Variants in STX18 observed in about 807,000 individuals in gnomAD.
STX18 encodes syntaxin-18.
Under a neutral mutation model 50.1 loss-of-function variants are expected in STX18, and 40 were observed. The ratio of observed to expected loss-of-function variants is 0.80; its 90% CI spans 0.62 to 1.04. The LOEUF is 1.04. Among genes scored for constraint, STX18 ranks in the 50% least tolerant of loss-of-function variants. STX18 has a pLI of 0.00. For synonymous variants in STX18, 158 were observed against 151.8 expected (o/e 1.04, Z -0.30); for missense variants, 410 against 415.8 (o/e 0.99, Z 0.12).
At chr4:4,476,363 G>C (rs1456842672) in intron 1 of STX18, among the ~76,000 whole-genome samples, 1 of 152,200 alleles carries the variant, frequency 6.6e-6, no homozygotes, top group Admixed American at 6.5e-5. Context: ...TACTGTAAAT[G>C]AGTTATTTCA....
At chr4:4,465,398 A>T (rs1036338461) in intron 2 of STX18, among the ~76,000 whole-genome samples, 2 of 152,262 alleles carry the variant, frequency 1.3e-5, no homozygotes, top group African/African-American at 4.8e-5. Context: ...AATGTGGAAC[A>T]TATACATCAT....
intron 1 of STX18, among the ~76,000 whole-genome samples, chr4:4,477,286 T>G (rs920773335): frequency 6.6e-6 from 1 of 152,132 alleles, no homozygotes; most frequent in Non-Finnish European, 1.5e-5. Context: ...TAGTACTTTC[T>G]TCTTTTAACA....
intron 1 of STX18, among the ~76,000 whole-genome samples, chr4:4,502,121 C>T (rs895585196): frequency 6.6e-6 from 1 of 152,164 alleles, no homozygotes; most frequent in African/African-American, 2.4e-5. Context: ...ACACAAAGAC[C>T]TCTATTAGGT....
At chr4:4,505,210 T>C (rs1298730378) in intron 1 of STX18, among the ~76,000 whole-genome samples, 3 of 152,150 alleles carry the variant, frequency 2.0e-5, no homozygotes, top group African/African-American at 4.8e-5. Flanking sequence ...CCATAATAAA[T>C]TGAAAATATG....
chr4:4,541,634 T>C (rs908639429), intron 1 of STX18, among the ~76,000 whole-genome samples, 163 bp downstream of exon 1: 1 of 151,574 alleles, frequency 6.6e-6, no homozygotes, highest in Non-Finnish European at 1.5e-5. Flanking sequence ...AGGCTGTTCC[T>C]TCCCCCAAAA....
chr4:4,496,354 G>C (rs1475518245), intron 1 of STX18, among the ~76,000 whole-genome samples: 1 of 152,154 alleles, frequency 6.6e-6, no homozygotes, highest in African/African-American at 2.4e-5. Context: ...TCTTGGTTAT[G>C]AGAACAACCT....
At chr4:4,439,342 C>T (rs1725976717) in intron 5 of STX18, among the ~76,000 whole-genome samples, 1 of 149,112 alleles carries the variant, frequency 6.7e-6, no homozygotes, top group South Asian at 2.2e-4. Flanking sequence ...CACCCACATA[C>T]ATATACTACA....
chr4:4,456,418 G>C (rs1012170551), intron 5 of STX18, among the ~76,000 whole-genome samples: 1 of 152,202 alleles, frequency 6.6e-6, no homozygotes, highest in Non-Finnish European at 1.5e-5. Context: ...TCCAAGACTG[G>C]CTGAGTTGCA....
At chr4:4,452,448 G>A (rs1243890867) in intron 5 of STX18, among the ~76,000 whole-genome samples, 1 of 152,230 alleles carries the variant, frequency 6.6e-6, no homozygotes, top group Non-Finnish European at 1.5e-5. Context: ...AGAAGTCAAT[G>A]GCTGACTTCA....
At chr4:4,455,159 T>C (rs981814697) in intron 5 of STX18, among the ~76,000 whole-genome samples, 2 of 152,240 alleles carry the variant, frequency 1.3e-5, no homozygotes, top group African/African-American at 4.8e-5. Flanking sequence ...ACTATGCCAC[T>C]TGATCGTACC....
At chr4:4,499,891 T>A (rs1358594705) in intron 1 of STX18, among the ~76,000 whole-genome samples, 1 of 152,108 alleles carries the variant, frequency 6.6e-6, no homozygotes, top group African/African-American at 2.4e-5. Flanking sequence ...AAATGACTGC[T>A]GTTTAAAACA....
At chr4:4,438,043 C>T (rs1725882301) in intron 6 of STX18, among the ~76,000 whole-genome samples, 1 of 152,236 alleles carries the variant, frequency 6.6e-6, no homozygotes, top group African/African-American at 2.4e-5. Flanking sequence ...GGCCTGGCAG[C>T]TCAGAGCTGA....
chr4:4,458,123 A>G (rs755895109), intron 3 of STX18, among the ~76,000 whole-genome samples: 2 of 152,190 alleles, frequency 1.3e-5, no homozygotes, highest in African/African-American at 2.4e-5. Flanking sequence ...GCGTGCAGGT[A>G]CTCTGCTAGC....
At chr4:4,421,473 T>G (rs1560154004) in intron 9 of STX18, among the ~76,000 whole-genome samples, 1 of 152,196 alleles carries the variant, frequency 6.6e-6, no homozygotes, top group Non-Finnish European at 1.5e-5. Flanking sequence ...CAGGCTGGTC[T>G]TGAACTCTTG....
At chr4:4,477,711 G>T (rs906937471) in intron 1 of STX18, among the ~76,000 whole-genome samples, 1 of 152,166 alleles carries the variant, frequency 6.6e-6, no homozygotes, top group African/African-American at 2.4e-5. Context: ...CAGAATCCTG[G>T]CAAGTCACAA....
chr4:4,472,598 C>G (rs1359204124), intron 1 of STX18, among the ~76,000 whole-genome samples: 2 of 152,212 alleles, frequency 1.3e-5, no homozygotes, highest in Non-Finnish European at 2.9e-5. Flanking sequence ...TCACTTTGCT[C>G]TGATCTTAAA....
chr4:4,533,428 T>TAAAAATC (rs1314997502), intron 1 of STX18, among the ~76,000 whole-genome samples: 6 of 152,192 alleles, frequency 3.9e-5, no homozygotes, highest in African/African-American at 1.4e-4. Context: ...AATCACTCAA[T>TAAAAATC]AATATATTTC....
chr4:4,431,530 A>C (rs1288057988), intron 7 of STX18, among the ~76,000 whole-genome samples: 1 of 151,950 alleles, frequency 6.6e-6, no homozygotes, highest in Non-Finnish European at 1.5e-5. Context: ...CTCGCTGTTC[A>C]TCATGTTTCT....
chr4:4,509,544 C>G (rs1010705593), intron 1 of STX18, among the ~76,000 whole-genome samples: 1 of 151,806 alleles, frequency 6.6e-6, no homozygotes, highest in Non-Finnish European at 1.5e-5. Flanking sequence ...AACTTGGAGT[C>G]GAAAGACCCT....
Sources: gnomAD v4.1 joint callset for allele counts (sites outside exome capture counted in the v4.1 genomes callset) on GRCh38, gnomAD v4.1.1 for gene constraint, MANE v1.5 for transcripts, NCBI Gene and HGNC (gene_info 2026-07-23, HGNC 2026-07-21) for gene names.